FAT4: variants seen among roughly 807,000 people sequenced by gnomAD.
FAT4 encodes protocadherin Fat 4.
FAT4 carries 84 observed loss-of-function variants against 303.9 expected under a neutral mutation model. The observed-to-expected ratio is 0.28, with a 90% CI of 0.23 to 0.33. FAT4 has a LOEUF of 0.33. Ranked by LOEUF, FAT4 falls within the 10% of genes least tolerant of loss-of-function variation. The probability of loss-of-function intolerance (pLI) is 1.00; values close to 1 mark genes in which losing one functional copy is unlikely to be tolerated. For synonymous variants in FAT4, 2,307 were observed against 2,298.8 expected (o/e 1.00, Z -0.10); for missense variants, 6,005 against 6,146.8 (o/e 0.98, Z 0.77).
chr4:125,408,720 A>G lies in FAT4; in HGVS notation c.5846A>G (p.Tyr1949Cys), dbSNP rs760392965. Residue 1949 changes from tyrosine (Y) to cysteine (C), a missense_variant, in exon 5 of 18, where the codon TAC becomes TGC. Coordinates refer to ENST00000394329, the MANE Select transcript of FAT4 (RefSeq NM_001291303.3). ...DNPPIFSLNS[Y>C]STSLMENLPV... is the part of the protein sequence containing the mutation. Reference sequence around the variant, plus strand: ...CCACCTATTTTCAGCTTGAATTCATACAGCACATCTTTAATGGAGAATCTA... The same window carrying G: ...CCACCTATTTTCAGCTTGAATTCATGCAGCACATCTTTAATGGAGAATCTA... 3.1e-6 allele frequency: 5 copies of G among 1,611,558 alleles called. No individual in the cohort carries two copies. Among genetic ancestry groups the G allele is most frequent in the South Asian group, 2.2e-5 (2 of 90,898 alleles).
At position 125,415,546 on chromosome 4, in the gene FAT4, A is replaced by G. The variant is rs1345737224; in HGVS notation, c.6583A>G (p.Asn2195Asp). 3 of 1,613,944 alleles carry G rather than the reference A, an allele frequency of 1.9e-6. No homozygotes were observed. The African/African-American group carries it at 4.0e-5, about 22-fold the overall frequency. Reference protein sequence around the residue: ...TNGQVRYGIVNGNTNQEFRID... With the variant: ...TNGQVRYGIVDGNTNQEFRID... ...TGGACAGGTTCGCTATGGCATTGTT[A>G]ATGGTAATACCAATCAGGAATTTCG... The change falls in exon 6 of 18, where the codon AAT (asparagine) becomes GAT (aspartate). Residue 2195 changes from asparagine to aspartate, a missense_variant. Physicochemically the swap from Asn to Asp is conservative, Grantham distance 23. Coordinates refer to ENST00000394329, the MANE Select transcript of FAT4 (RefSeq NM_001291303.3).
chr4:125,436,338 G>C (rs969115367), intron 8 of FAT4, among the ~76,000 whole-genome samples: 31 of 152,106 alleles, frequency 2.0e-4, no homozygotes, highest in African/African-American at 7.2e-4. Context: ...ACAGTTTTGT[G>C]AGAAGTCAGA....
In FAT4 at chr4:125,320,048, G is replaced by T. The variant is rs762595829; in HGVS notation, c.3637G>T (p.Asp1213Tyr). The T allele has an allele frequency of 3.1e-6, 5 of 1,613,726 alleles. No homozygotes were observed. In the South Asian group the frequency reaches 4.4e-5, roughly 14 times the overall value. The change falls in exon 2 of 18, where the codon GAC becomes TAC. Residue 1213 changes from aspartate (D) to tyrosine (Y), a missense_variant. Coordinates refer to ENST00000394329, the MANE Select transcript of FAT4 (RefSeq NM_001291303.3). ...TGATAATGCTCCCAAATTTTTAAAAGACTTTTACCAAGCTACAATATCAGA... is the reference window on the plus strand; with the variant it reads ...TGATAATGCTCCCAAATTTTTAAAATACTTTTACCAAGCTACAATATCAGA... ...INDNAPKFLK[D>Y]FYQATISESA...
chr4:125,358,866 A>G (rs2710559), intron 2 of FAT4, among the ~76,000 whole-genome samples: 79,639 of 151,906 alleles, frequency 0.52, 20,906 homozygotes, highest in Admixed American at 0.62. Context: ...AGAAGGAAAG[A>G]CAGCTAGAAG....
At chr4:125,380,077 G>C (rs1733483539) in intron 2 of FAT4, among the ~76,000 whole-genome samples, 4 of 151,940 alleles carry the variant, frequency 2.6e-5, no homozygotes. Context: ...ATTTTTAGTA[G>C]AGACAGGGTT....
chr4:125,339,461 G>A (rs1332214062), intron 2 of FAT4, among the ~76,000 whole-genome samples: 1 of 152,082 alleles, frequency 6.6e-6, no homozygotes, highest in African/African-American at 2.4e-5. Flanking sequence ...CTCCCAAAGT[G>A]CTGGGATTAT....
chr4:125,409,030 A>AT (rs1442293172), intron 5 of FAT4, among the ~76,000 whole-genome samples: 1 of 151,956 alleles, frequency 6.6e-6, no homozygotes, highest in Admixed American at 6.6e-5. Flanking sequence ...ACTTTATCTT[A>AT]TTTTTCCCCC....
chr4:125,481,657 T>C lies in FAT4; in HGVS notation c.12741T>C (p.Ser4247=). Residue 4247 remains serine (S), a synonymous_variant, in exon 16 of 18, where the codon AGT becomes AGC. Transcript: ENST00000394329. ...TGTTGGAGCCTTTTGGTGTGAACAG[T>C]CTGGAAGTAAAATTTAGGACCAGAA... ...GAMLEPFGVN[S]LEVKFRTRSE... is the part of the protein sequence containing the mutation. 6.2e-7 allele frequency: 1 copy of C among 1,614,068 alleles called. No individual in the cohort carries two copies.
intron 3 of FAT4, among the ~76,000 whole-genome samples, chr4:125,402,057 T>G (rs1188587348): frequency 1.3e-5 from 2 of 151,954 alleles, no homozygotes; most frequent in African/African-American, 4.8e-5. Context: ...GCCAGATATT[T>G]TCAGACATTC....
intron 12 of FAT4, among the ~76,000 whole-genome samples, chr4:125,473,100 A>G (rs1207240919): frequency 6.6e-6 from 1 of 152,086 alleles, no homozygotes; most frequent in Non-Finnish European, 1.5e-5. Context: ...ATAATGTTAT[A>G]TTTTATATTT....
intron 14 of FAT4, among the ~76,000 whole-genome samples, chr4:125,477,997 C>G (rs1252087280): frequency 6.6e-6 from 1 of 152,090 alleles, no homozygotes; most frequent in Non-Finnish European, 1.5e-5. Context: ...CATGTTTTGA[C>G]TGCTTAGTAT....
intron 16 of FAT4, among the ~76,000 whole-genome samples, chr4:125,484,157 C>G (rs1311586224): frequency 6.6e-6 from 1 of 151,208 alleles, no homozygotes; most frequent in Non-Finnish European, 1.5e-5. Context: ...AAATGGGATT[C>G]CATGTGGCTA....
At position 125,452,777 on chromosome 4, in the gene FAT4, A is replaced by G. The variant is rs1483141318; in HGVS notation, c.11767A>G (p.Ser3923Gly). 7.4e-6 allele frequency: 12 copies of G among 1,613,644 alleles called. No homozygotes were observed. Among genetic ancestry groups the G allele is most frequent in the Non-Finnish European group, 9.3e-6 (11 of 1,179,800 alleles). The change falls in exon 10 of 18, where the codon AGC (serine) becomes GGC (glycine). Residue 3923 changes from serine to glycine, a missense_variant. Coordinates refer to ENST00000394329, the MANE Select transcript of FAT4 (RefSeq NM_001291303.3). The part of the protein sequence containing the change: ...NGAICQNFPG[S>G]FNCVCKTGYT... Reference sequence around the variant, plus strand: ...TGCCATCTGCCAGAATTTTCCAGGAAGCTTCAACTGTGTTTGCAAAACTGG... The same window carrying G: ...TGCCATCTGCCAGAATTTTCCAGGAGGCTTCAACTGTGTTTGCAAAACTGG...
intron 3 of FAT4, among the ~76,000 whole-genome samples, chr4:125,406,519 C>T (rs981620105): frequency 8.5e-5 from 13 of 152,054 alleles, no homozygotes; most frequent in Admixed American, 8.5e-4. Context: ...ATTGCTTTAC[C>T]TATTTGTATA....
In FAT4 at chr4:125,317,798, A is replaced by C; in HGVS notation, c.1387A>C (p.Ile463Leu). 6.2e-7 allele frequency: 1 copy of C among 1,614,158 alleles called. No individual in the cohort carries two copies. The highest frequency in any genetic ancestry group is 8.5e-7 in the Non-Finnish European group (1 of 1,180,026). ...QARSSVASLV[I>L]FVNDINDHPP... The stretch of plus-strand genomic sequence containing the variant: ...GCGCTCTTCTGTGGCAAGCCTGGTG[A>C]TTTTTGTTAATGACATCAATGACCA... The change falls in exon 2 of 18, where the codon ATT becomes CTT. Residue 463 changes from isoleucine to leucine, a missense_variant. By Grantham distance (5) the Ile-to-Leu change is conservative. Transcript: ENST00000394329. The surrounding 1 kb of genome is among the most constrained non-coding windows in gnomAD (Gnocchi z 7.0).
intron 2 of FAT4, among the ~76,000 whole-genome samples, chr4:125,373,931 A>G (rs998760880): frequency 2.0e-5 from 3 of 152,208 alleles, no homozygotes; most frequent in Non-Finnish European, 4.4e-5. Flanking sequence ...AATAAGGACT[A>G]TGTATATATG....
chr4:125,421,041 C>T (rs889864447), intron 7 of FAT4, among the ~76,000 whole-genome samples: 1 of 152,154 alleles, frequency 6.6e-6, no homozygotes, highest in African/African-American at 2.4e-5. Flanking sequence ...AACAATTCTC[C>T]TGCCTCAGCC....
Position 125,415,052 on chromosome 4 carries a change from G to A in FAT4, c.6089G>A (p.Arg2030Lys). ...VHDLPQIPAS[R>K]FTSTAQVSII... ...GACCTGCCACAGATTCCAGCCTCCA[G>A]ATTCACAAGCACTGCTCAAGTCTCC... Residue 2030 changes from arginine (R) to lysine (K), a missense_variant, in exon 6 of 18, where the codon AGA becomes AAA. By Grantham distance (26) the Arg-to-Lys change is conservative. Coordinates refer to ENST00000394329, the MANE Select transcript of FAT4 (RefSeq NM_001291303.3). 2 of 1,614,036 alleles carry A rather than the reference G, an allele frequency of 1.2e-6. No homozygotes were observed. The highest frequency in any genetic ancestry group is 1.7e-6 in the Non-Finnish European group (2 of 1,179,970).
chr4:125,477,135 A>G lies in FAT4; in HGVS notation c.12300-20A>G. On this transcript the variant is annotated intron_variant, in intron 13 of 17. Transcript: ENST00000394329. Reference sequence around the variant, plus strand: ...GTAATCTTTTGACACTAATATTTATATCTTCCATTATTTATTTAGGACTCT... The same window carrying G: ...GTAATCTTTTGACACTAATATTTATGTCTTCCATTATTTATTTAGGACTCT... 1 of 1,334,272 alleles carries G rather than the reference A, an allele frequency of 7.5e-7. No homozygotes were observed. Among genetic ancestry groups the G allele is most frequent in the East Asian group, 2.7e-5 (1 of 36,564 alleles). 82.7% of individuals were successfully genotyped at this position (1,334,272 alleles called of 1,614,324 possible).
Sources: gnomAD v4.1 joint callset for allele counts (sites outside exome capture counted in the v4.1 genomes callset) on GRCh38, gnomAD v4.1.1 for gene constraint, Gnocchi (gnomAD v3.1) non-coding constraint, MANE v1.5 for transcripts, NCBI Gene and HGNC (gene_info 2026-07-23, HGNC 2026-07-21) for gene names.